The following CAMK2A variants were observed in gnomAD, a reference collection of about 807,000 sequenced individuals.
CAMK2A encodes the protein calcium/calmodulin-dependent protein kinase type II subunit alpha.
CAMK2A carries 7 observed loss-of-function variants against 79.2 expected under a neutral mutation model. The observed-to-expected ratio is 0.09, with a 90% CI of 0.05 to 0.17. The LOEUF (loss-of-function observed/expected upper bound fraction) is 0.17. Ranked by LOEUF, CAMK2A falls within the 10% of genes least tolerant of loss-of-function variation. The pLI is 1.00. For synonymous variants in CAMK2A, 242 were observed against 251.7 expected, an observed-to-expected ratio of 0.96 and a Z score of 0.36; for missense variants, 214 against 646.4, an observed-to-expected ratio of 0.33 and a Z score of 7.25.
chr5:150,262,646 A>T (rs1156963193), intron 3 of CAMK2A, among the ~76,000 whole-genome samples: 1 of 152,146 alleles, frequency 6.6e-6, no homozygotes. Context: ...AAATGACTCA[A>T]TGATGATGAT....
intron 11 of CAMK2A, among the ~76,000 whole-genome samples, chr5:150,248,453 T>C (rs936377671): frequency 2.0e-5 from 3 of 151,122 alleles, no homozygotes; most frequent in East Asian, 2.0e-4. Flanking sequence ...GTCATTTACA[T>C]TAGGTATATC....
intron 1 of CAMK2A, among the ~76,000 whole-genome samples, chr5:150,274,629 A>G (rs1267471321): frequency 6.6e-6 from 1 of 152,204 alleles, no homozygotes. Flanking sequence ...AGGCTTCCCA[A>G]ATCTAAATGT....
Position 150,257,604 on chromosome 5 carries a change from G to A in CAMK2A, c.231C>T (p.Asp77=). 6.4e-7 allele frequency: 1 copy of A among 1,570,624 alleles called. No individual in the cohort carries two copies. Among genetic ancestry groups the A allele is most frequent in the Non-Finnish European group, 8.6e-7 (1 of 1,157,918 alleles). The part of the protein sequence containing the change: ...LKHPNIVRLH[D]SISEEGHHYL... ...AGTGGTGTCCCTCCTCTGAGATGCTGTCATGTAGTCGGACTGTGGGCGGGG... is the reference window on the plus strand; with the variant it reads ...AGTGGTGTCCCTCCTCTGAGATGCTATCATGTAGTCGGACTGTGGGCGGGG... Residue 77 remains aspartate, a synonymous_variant, in exon 4 of 19, where the codon GAC becomes GAT. Coordinates refer to ENST00000671881, the MANE Select transcript of CAMK2A (RefSeq NM_015981.4).
intron 15 of CAMK2A, among the ~76,000 whole-genome samples, chr5:150,235,866 C>T (rs1049524492): frequency 3.9e-5 from 6 of 152,104 alleles, no homozygotes; most frequent in Non-Finnish European, 7.4e-5. Flanking sequence ...TCTCTGAGGC[C>T]GGGAGAGGCT....
At position 150,220,772 on chromosome 5, in the gene CAMK2A, G is replaced by A. The variant is rs558100344; in HGVS notation, c.*1938C>T. On this transcript the variant is annotated 3_prime_UTR_variant, in exon 19 of 19. Transcript: ENST00000671881. Reference sequence around the variant, plus strand: ...CAGAGGCCAGTGATGGACCAGCTTGGAAACCAGGAGGCCTGGGCAGCATCT... The same window carrying A: ...CAGAGGCCAGTGATGGACCAGCTTGAAAACCAGGAGGCCTGGGCAGCATCT... 2.0e-5 allele frequency: 3 copies of A among 152,290 alleles called. No individual in the cohort carries two copies. In the East Asian group the frequency reaches 5.7e-4, roughly 29 times the overall value. The allele number at this position is 152,290 out of a possible 1,614,324, so 9.4% of individuals were successfully genotyped here.
chr5:150,268,743 T>C (rs1196185712), intron 2 of CAMK2A, among the ~76,000 whole-genome samples: 1 of 152,194 alleles, frequency 6.6e-6, no homozygotes, highest in Non-Finnish European at 1.5e-5. Context: ...ATAGCTACTA[T>C]ACTATATTGC....
At chr5:150,255,350 G>C (rs1213382117) in intron 6 of CAMK2A, among the ~76,000 whole-genome samples, 1 of 152,256 alleles carries the variant, frequency 6.6e-6, no homozygotes, top group Non-Finnish European at 1.5e-5. Flanking sequence ...CAGTCAGAGA[G>C]GGGCAGGGTC....
chr5:150,263,162 T>C (rs1756363791), intron 3 of CAMK2A, among the ~76,000 whole-genome samples: 1 of 152,176 alleles, frequency 6.6e-6, no homozygotes, highest in Non-Finnish European at 1.5e-5. Context: ...TGGAGCTACA[T>C]GTCCAGGGTC....
Position 150,221,589 on chromosome 5 carries a change from G to C in CAMK2A, c.*1121C>G, listed in dbSNP as rs1580889201. ...CTCCTCCTCTCTGCCCTGACTTGCT[G>C]TTCCTGAGTCAGTGCTGGCATCTGA... On this transcript the variant is annotated 3_prime_UTR_variant, in exon 19 of 19. Coordinates refer to ENST00000671881, the MANE Select transcript of CAMK2A (RefSeq NM_015981.4). 2.5e-6 allele frequency: 1 copy of C among 398,656 alleles called. No individual in the cohort carries two copies. The highest frequency in any genetic ancestry group is 2.1e-5 in the African/African-American group (1 of 48,716). The allele number at this position is 398,656 out of a possible 1,614,324, so 24.7% of individuals were successfully genotyped here.
At chr5:150,276,505 A>G (rs1343333646) in intron 1 of CAMK2A, among the ~76,000 whole-genome samples, 6 of 152,192 alleles carry the variant, frequency 3.9e-5, no homozygotes, top group Non-Finnish European at 7.3e-5. Flanking sequence ...AAGGTGGGGG[A>G]CAACTAGTCT....
intron 17 of CAMK2A, among the ~76,000 whole-genome samples, chr5:150,226,744 AG>A (rs530069538): frequency 0.43 from 36,316 of 84,094 alleles, 7,766 homozygotes; most frequent in East Asian, 0.63. Flanking sequence ...AAAAAAAAAA[AG>A]GGGGGGGGGG....
At chr5:150,224,282 G>A (rs1754489605) in intron 17 of CAMK2A, among the ~76,000 whole-genome samples, 1 of 152,130 alleles carries the variant, frequency 6.6e-6, no homozygotes, top group Admixed American at 6.5e-5. Context: ...CTTGAGAGGA[G>A]CCCTTCCCTT....
upstream of CAMK2A, chr5:150,289,781 G>A (rs1456892128): frequency 5.3e-6 from 3 of 566,138 alleles, no homozygotes; most frequent in Non-Finnish European, 9.3e-6. Flanking sequence ...TCTGAGCAGG[G>A]CACTGTGGCT....
intron 1 of CAMK2A, among the ~76,000 whole-genome samples, chr5:150,280,693 G>A (rs1757175135): frequency 6.6e-6 from 1 of 151,794 alleles, no homozygotes; most frequent in South Asian, 2.1e-4. Context: ...CACCTTGCCT[G>A]CCCCACCCCA....
rs996653112 is a variant in CAMK2A at position 150,256,419 on chromosome 5, T to C, written c.411+154A>G. Among the ~76,000 whole-genome samples the C allele has an allele frequency of 6.6e-6, 1 of 152,336 alleles. No individual in the cohort carries two copies. The highest frequency in any genetic ancestry group is 1.9e-4 in the East Asian group (1 of 5,190). On this transcript the variant is annotated intron_variant, in intron 6 of 18. Coordinates refer to ENST00000671881, the MANE Select transcript of CAMK2A (RefSeq NM_015981.4). The surrounding 1 kb of genome is among the most constrained non-coding windows in gnomAD (Gnocchi z 4.6). ...CCTTCCTGAGCTCTGCTTCCTCATCTGAACAGTGGGGAAAATAATCTCACC... is the reference window on the plus strand; with the variant it reads ...CCTTCCTGAGCTCTGCTTCCTCATCCGAACAGTGGGGAAAATAATCTCACC...
chr5:150,257,048 C>A (rs3776824), intron 4 of CAMK2A, among the ~76,000 whole-genome samples: 23,886 of 152,092 alleles, frequency 0.16, 2,027 homozygotes, highest in East Asian at 0.25. Context: ...CTCCTCCATC[C>A]CCGGCCCTTC....
chr5:150,275,242 A>G (rs1320248563), intron 1 of CAMK2A, among the ~76,000 whole-genome samples: 2 of 152,214 alleles, frequency 1.3e-5, no homozygotes, highest in Non-Finnish European at 2.9e-5. Flanking sequence ...CCAGGAAGAA[A>G]GCAGCAAGAC....
At chr5:150,274,532 G>A (rs1756874558) in intron 1 of CAMK2A, among the ~76,000 whole-genome samples, 2 of 152,136 alleles carry the variant, frequency 1.3e-5, no homozygotes, top group African/African-American at 4.8e-5. Flanking sequence ...ATCTACAGAG[G>A]AGACTCCTAA....
chr5:150,248,561 C>T (rs1381934630), intron 11 of CAMK2A, among the ~76,000 whole-genome samples: 1 of 147,652 alleles, frequency 6.8e-6, no homozygotes. Flanking sequence ...GTTCAATTCC[C>T]ATCCATGAGT....
Sources: allele counts gnomAD v4.1 joint callset (sites outside exome capture counted in the v4.1 genomes callset), GRCh38; gene constraint gnomAD v4.1.1; non-coding constraint Gnocchi (gnomAD v3.1); transcripts MANE v1.5; gene names NCBI Gene and HGNC (gene_info 2026-07-23, HGNC 2026-07-21).